C11orf65: variants seen among roughly 807,000 people sequenced by gnomAD.
C11orf65 encodes chromosome 11 open reading frame 65, also known as protein MFI.
In C11orf65, 38 loss-of-function variants were observed where a neutral mutation model predicts 35.3. That is an observed-to-expected ratio of 1.08 (90% CI 0.83 to 1.41). C11orf65 has a LOEUF of 1.41. C11orf65 is among the 40% of genes most tolerant of loss of function. C11orf65 has a pLI of 0.00. For synonymous variants in C11orf65, 105 were observed against 114.4 expected (o/e 0.92, Z 0.53); for missense variants, 370 against 367.1 (o/e 1.01, Z -0.06).
intron 2 of C11orf65, among the ~76,000 whole-genome samples, chr11:108,455,583 C>T (rs1488503501): frequency 6.6e-6 from 1 of 151,732 alleles, no homozygotes; most frequent in Non-Finnish European, 1.5e-5. Flanking sequence ...TTTGGGAGGT[C>T]GAGGCGGGCG....
At chr11:108,308,800 T>C (rs2083891373) in exon 7 of C11orf65, 1 of 534,594 alleles carries the variant, frequency 1.9e-6, no homozygotes, top group East Asian at 3.0e-5. Context: ...TCTTCTCTAG[T>C]AGAAAAAGAA....
At chr11:108,462,544 A>G (rs2093484685) in intron 1 of C11orf65, 2 of 152,222 alleles carry the variant, frequency 1.3e-5, no homozygotes, top group South Asian at 4.1e-4. Context: ...TGACTTTTAC[A>G]TACCCTGTTG....
rs558543687 is a variant in C11orf65, at chr11:108,372,211, T to A, written c.226+20997A>T. On this transcript the variant is annotated intron_variant, in intron 2 of 3. Coordinates refer to the C11orf65 transcript ENST00000524755. ...CATTCATTCATTCATTCATTCATTC[T>A]GAGATGGAGTCCCGCTCTGTCGCCC... Among the ~76,000 whole-genome samples, 3 of 146,468 alleles carry A rather than the reference T, an allele frequency of 2.0e-5. No individual in the cohort carries two copies. The South Asian group carries it at 6.4e-4, about 31-fold the overall frequency.
At chr11:108,359,628 C>G (rs181866676) in intron 2 of C11orf65, among the ~76,000 whole-genome samples, 2 of 152,276 alleles carry the variant, frequency 1.3e-5, no homozygotes, top group Admixed American at 6.5e-5. Context: ...AACTAGAACT[C>G]AGGATTAAGA....
chr11:108,381,303 C>T (rs957473816), downstream of C11orf65, among the ~76,000 whole-genome samples: 7 of 152,254 alleles, frequency 4.6e-5, 1 homozygote, highest in African/African-American at 1.7e-4. Flanking sequence ...GAACTGAGTC[C>T]ATGTAGCCAC....
chr11:108,458,763 G>T (rs967634585), intron 2 of C11orf65, among the ~76,000 whole-genome samples: 2 of 152,128 alleles, frequency 1.3e-5, no homozygotes, highest in Non-Finnish European at 2.9e-5. Flanking sequence ...ATTTAAAAAA[G>T]TAGGGAAGGG....
Position 108,316,038 on chromosome 11 carries a change from G to A in C11orf65, c.641-6967C>T, listed in dbSNP as rs1555113740. ...TACGAACATATGAACACGAAGCAAT[G>A]TGGGGCAAAGCCCTAGTAACATATG... On this transcript the variant is annotated intron_variant, in intron 6 of 6. Coordinates refer to the C11orf65 transcript ENST00000525729. 1 of 1,614,168 alleles carries A rather than the reference G, an allele frequency of 6.2e-7. No individual in the cohort carries two copies.
Position 108,393,201 on chromosome 11 carries a change from T to TA in C11orf65, c.731+6dup. On this transcript the variant is annotated splice_region_variant and intron_variant, in intron 7 of 8. Coordinates refer to ENST00000393084, the MANE Select transcript of C11orf65 (RefSeq NM_152587.5). ...CTTGTTCCCCAAGAATAGCAACATG[T>TA]ACTTACTCATCAAAGTTCAGTGTAT... 1 of 1,613,314 alleles carries TA rather than the reference T, an allele frequency of 6.2e-7. No homozygotes were observed. The highest frequency in any genetic ancestry group is 8.5e-7 in the Non-Finnish European group (1 of 1,179,532).
At chr11:108,356,301 C>T (rs373897737) in intron 2 of C11orf65, among the ~76,000 whole-genome samples, 2 of 152,008 alleles carry the variant, frequency 1.3e-5, no homozygotes, top group South Asian at 2.1e-4. Flanking sequence ...TTTGAGAGGC[C>T]GAGACAGGTG....
chr11:108,402,363 C>T (rs894494886), intron 6 of C11orf65, among the ~76,000 whole-genome samples: 5 of 152,174 alleles, frequency 3.3e-5, no homozygotes, highest in Non-Finnish European at 1.5e-5. Context: ...CAGAGTTCTA[C>T]TTCTTCCCCA....
chr11:108,392,171 T>G (rs1019889712), intron 7 of C11orf65, among the ~76,000 whole-genome samples: 1 of 152,152 alleles, frequency 6.6e-6, no homozygotes, highest in African/African-American at 2.4e-5. Flanking sequence ...CTCAGCCTCC[T>G]GAGTAGCTGG....
intron 2 of C11orf65, among the ~76,000 whole-genome samples, chr11:108,363,134 G>C (rs1479166466): frequency 6.6e-6 from 1 of 152,180 alleles, no homozygotes; most frequent in Non-Finnish European, 1.5e-5. Flanking sequence ...TCTTACCACA[G>C]TAAGACCCTT....
chr11:108,399,454 T>A (rs560690972), intron 6 of C11orf65, among the ~76,000 whole-genome samples: 1 of 152,132 alleles, frequency 6.6e-6, no homozygotes, highest in Non-Finnish European at 1.5e-5. Context: ...TGGAAGGATA[T>A]CTTTTGATCA....
chr11:108,334,904 G>T, intron 3 of C11orf65: 1 of 1,529,410 alleles, frequency 6.5e-7, no homozygotes, highest in South Asian at 1.1e-5. Flanking sequence ...CATTTATAAT[G>T]TATTTTTCTT....
intron 2 of C11orf65, among the ~76,000 whole-genome samples, chr11:108,357,667 AC>A (rs1388103349): frequency 1.3e-5 from 2 of 151,724 alleles, no homozygotes; most frequent in South Asian, 2.1e-4. Flanking sequence ...ACTGGGAGGC[AC>A]CCCCCAGCAG....
In C11orf65 at chr11:108,326,195, G is replaced by A. The variant is rs1555120014; in HGVS notation, c.641-17124C>T. 6.2e-7 allele frequency: 1 copy of A among 1,614,070 alleles called. No individual in the cohort carries two copies. Among genetic ancestry groups the A allele is most frequent in the Non-Finnish European group, 8.5e-7 (1 of 1,180,014 alleles). ...TTGCCCTGAGTATTCTCAAGCAAAT[G>A]ATCAAGAAGTTGGATGCCAGCTGTG... On this transcript the variant is annotated intron_variant, in intron 6 of 6. Transcript: ENST00000525729.
At chr11:108,314,862 T>C (rs1171836913) in intron 6 of C11orf65, among the ~76,000 whole-genome samples, 1 of 152,238 alleles carries the variant, frequency 6.6e-6, no homozygotes, top group Non-Finnish European at 1.5e-5. Flanking sequence ...AACTGTACTG[T>C]GTTTATCAAT....
In C11orf65 at chr11:108,310,806, A is replaced by G. The variant is rs1439039197; in HGVS notation, c.641-1735T>C. 2.0e-5 allele frequency among the ~76,000 whole-genome samples: 3 copies of G among 152,156 alleles called. No individual in the cohort carries two copies. The East Asian group carries it at 5.8e-4, about 29-fold the overall frequency. On this transcript the variant is annotated intron_variant, in intron 6 of 6. Transcript: ENST00000525729. The stretch of plus-strand genomic sequence containing the variant: ...CTAATTAAGTTTCATTTCTTTATCT[A>G]CCTATATTTCTAGTGAATTTAATTC...
intron 2 of C11orf65, among the ~76,000 whole-genome samples, chr11:108,443,258 T>A (rs1186337972): frequency 6.6e-6 from 1 of 152,104 alleles, no homozygotes; most frequent in African/African-American, 2.4e-5. Context: ...AGGGATCAAT[T>A]CAACAAGAAG....
Sources: allele counts gnomAD v4.1 joint callset (sites outside exome capture counted in the v4.1 genomes callset), GRCh38; gene constraint gnomAD v4.1.1; transcripts MANE v1.5; gene names NCBI Gene and HGNC (gene_info 2026-07-23, HGNC 2026-07-21).